Variants in PALLD observed in about 807,000 individuals in gnomAD.
PALLD encodes palladin, cytoskeletal associated protein.
In PALLD, 61 loss-of-function variants were observed where a neutral mutation model predicts 123.5. That is an observed-to-expected ratio of 0.49 (90% confidence interval 0.40 to 0.61). The LOEUF (loss-of-function observed/expected upper bound fraction) is 0.61, where lower values mean the gene tolerates loss of function less well. Ranked by LOEUF, PALLD falls within the 20% of genes least tolerant of loss-of-function variation. The pLI is 0.00. For missense variants in PALLD, 1,273 were observed against 1,377.0 expected (o/e 0.92, Z 1.20); for synonymous variants, 465 against 496.4 (o/e 0.94, Z 0.84).
intron 2 of PALLD, among the ~76,000 whole-genome samples, chr4:168,599,915 T>C (rs906660138): frequency 2.6e-5 from 4 of 152,054 alleles, no homozygotes; most frequent in Admixed American, 6.6e-5. Flanking sequence ...CACACACACA[T>C]ATATATACAC....
intron 10 of PALLD, chr4:168,832,128 G>A: frequency 1.0e-6 from 1 of 982,004 alleles, no homozygotes; most frequent in Non-Finnish European, 1.2e-6. Flanking sequence ...GCTCGCTCCG[G>A]ACGCGGAATC....
intron 10 of PALLD, among the ~76,000 whole-genome samples, chr4:168,861,526 T>A (rs1749467226): frequency 6.6e-6 from 1 of 152,110 alleles, no homozygotes; most frequent in South Asian, 2.1e-4. Context: ...AGTTCATCAA[T>A]TTTTTTTCTC....
intron 2 of PALLD, among the ~76,000 whole-genome samples, chr4:168,646,831 G>A (rs930621487): frequency 1.3e-5 from 2 of 152,144 alleles, no homozygotes; most frequent in African/African-American, 4.8e-5. Context: ...CAAGAATATA[G>A]CACTTCATGA....
chr4:168,601,555 C>T (rs963404919), intron 2 of PALLD, among the ~76,000 whole-genome samples: 2 of 152,016 alleles, frequency 1.3e-5, no homozygotes, highest in Non-Finnish European at 2.9e-5. Context: ...TGCACAAAGC[C>T]AAATCAAACT....
chr4:168,817,356 A>G (rs1398270414), intron 10 of PALLD, among the ~76,000 whole-genome samples: 2 of 152,268 alleles, frequency 1.3e-5, no homozygotes, highest in Non-Finnish European at 2.9e-5. Context: ...ACCAACAGAA[A>G]TATCTGGAAA....
chr4:168,837,859 C>T (rs963051418), intron 10 of PALLD, among the ~76,000 whole-genome samples: 2 of 152,146 alleles, frequency 1.3e-5, no homozygotes, highest in Non-Finnish European at 1.5e-5. Flanking sequence ...TCCTTGCCCT[C>T]GTGGAGCTTA....
At chr4:168,609,585 C>G (rs193035008) in intron 2 of PALLD, among the ~76,000 whole-genome samples, 1 of 152,046 alleles carries the variant, frequency 6.6e-6, no homozygotes, top group East Asian at 1.9e-4. Context: ...TGCCTTCATG[C>G]GGGGGTATCA....
intron 2 of PALLD, among the ~76,000 whole-genome samples, chr4:168,610,628 ACTCG>A (rs1483006387): frequency 6.6e-6 from 1 of 151,956 alleles, no homozygotes; most frequent in Non-Finnish European, 1.5e-5. Context: ...GTAGAAATAA[ACTCG>A]TGCTCCCAAC....
chr4:168,621,759 A>G lies in PALLD; in HGVS notation c.909-46431A>G, dbSNP rs373453110. Among the ~76,000 whole-genome samples the G allele has an allele frequency of 6.6e-5, 10 of 152,336 alleles. No homozygotes were observed. In the East Asian group the frequency reaches 1.7e-3, roughly 26 times the overall value. On this transcript the variant is annotated intron_variant, in intron 2 of 21. Transcript: ENST00000505667. ...TTGGCAGGTGTGACCCAAGGGGTCCATCACTTTGTTAGGCGGCAGATAAGC... is the reference window on the plus strand; with the variant it reads ...TTGGCAGGTGTGACCCAAGGGGTCCGTCACTTTGTTAGGCGGCAGATAAGC...
chr4:168,816,250 C>G (rs560781952), intron 10 of PALLD, among the ~76,000 whole-genome samples: 1 of 151,750 alleles, frequency 6.6e-6, no homozygotes, highest in Non-Finnish European at 1.5e-5. Flanking sequence ...GCCTTCAGCA[C>G]TCCAAATGCC....
At chr4:168,529,532 GT>G (rs1375541089) in intron 2 of PALLD, among the ~76,000 whole-genome samples, 1 of 152,096 alleles carries the variant, frequency 6.6e-6, no homozygotes, top group Non-Finnish European at 1.5e-5. Context: ...TCTTCAGCTA[GT>G]TTTCCCCCCA....
Position 168,924,418 on chromosome 4 carries a change from G to C in PALLD, c.3222G>C (p.Val1074=), listed in dbSNP as rs775271720. ...CACTCACTCACAGCACTGACCGAGT[G>C]AGGTAAGACTGCACAATGAGAACCT... The part of the protein sequence containing the change: ...NESLTHSTDR[V]SMHQDNHGYI... The change falls in exon 19 of 22, where the codon GTG becomes GTC. Residue 1074 remains valine, a splice_region_variant and synonymous_variant. Coordinates refer to ENST00000505667, the MANE Select transcript of PALLD (RefSeq NM_001166108.2). 19 of 1,613,510 alleles carry C rather than the reference G, an allele frequency of 1.2e-5. No homozygotes were observed. The African/African-American group carries it at 2.5e-4, about 22-fold the overall frequency.
chr4:168,649,456 G>A (rs920440258), intron 2 of PALLD, among the ~76,000 whole-genome samples: 1 of 152,144 alleles, frequency 6.6e-6, no homozygotes, highest in Non-Finnish European at 1.5e-5. Context: ...TATAACCCAG[G>A]TGTCATGGAA....
chr4:168,526,180 T>A (rs1003897113), intron 2 of PALLD, among the ~76,000 whole-genome samples: 1 of 152,180 alleles, frequency 6.6e-6, no homozygotes, highest in Non-Finnish European at 1.5e-5. Context: ...TGAGGCCAGC[T>A]CTTAGCTACC....
intron 2 of PALLD, among the ~76,000 whole-genome samples, chr4:168,655,295 TGAAAAA>T (rs897524560): frequency 1.3e-5 from 2 of 152,184 alleles, no homozygotes; most frequent in African/African-American, 2.4e-5. Context: ...GGAAAACCCT[TGAAAAA>T]GAAAGTGAAT....
At chr4:168,903,020 A>G (rs1756883783) in intron 14 of PALLD, among the ~76,000 whole-genome samples, 1 of 152,094 alleles carries the variant, frequency 6.6e-6, no homozygotes, top group Non-Finnish European at 1.5e-5. Context: ...CAGCCTCCCA[A>G]AGTGCTGGGA....
intron 10 of PALLD, among the ~76,000 whole-genome samples, chr4:168,794,238 C>G (rs1189012335): frequency 3.3e-5 from 5 of 152,170 alleles, no homozygotes; most frequent in Admixed American, 3.3e-4. Flanking sequence ...AGGCGAAACT[C>G]CTGCATGCCC....
At chr4:168,673,496 G>A (rs576193858) in intron 3 of PALLD, among the ~76,000 whole-genome samples, 44 of 152,348 alleles carry the variant, frequency 2.9e-4, no homozygotes, top group African/African-American at 1.0e-3. Flanking sequence ...GGCTTGGGCC[G>A]CAGCCGGGGT....
intron 1 of PALLD, among the ~76,000 whole-genome samples, chr4:168,498,107 A>G (rs748192809): frequency 2.0e-5 from 3 of 152,196 alleles, no homozygotes; most frequent in Non-Finnish European, 4.4e-5. Flanking sequence ...GAACTTGAAT[A>G]CTCACCTCAA....
Sources: gnomAD v4.1 joint callset for allele counts (sites outside exome capture counted in the v4.1 genomes callset) on GRCh38, gnomAD v4.1.1 for gene constraint, MANE v1.5 for transcripts, NCBI Gene and HGNC (gene_info 2026-07-23, HGNC 2026-07-21) for gene names.